Variants in SLC6A4 observed in about 807,000 individuals in gnomAD.
The protein encoded by SLC6A4 is sodium-dependent serotonin transporter.
Under a neutral mutation model 73.4 loss-of-function variants are expected in SLC6A4, and 22 were observed. That is an observed-to-expected ratio of 0.30 (90% CI 0.21 to 0.43). The LOEUF (loss-of-function observed/expected upper bound fraction) is 0.43, where lower values mean the gene tolerates loss of function less well. SLC6A4 is among the 20% of genes least tolerant of loss of function. SLC6A4 has a pLI of 1.00. For missense variants in SLC6A4, 593 were observed against 808.5 expected, an observed-to-expected ratio of 0.73 and a Z score of 3.23; for synonymous variants, 270 against 315.5, an observed-to-expected ratio of 0.86 and a Z score of 1.53.
rs1055096315 is a variant in SLC6A4 at position 30,235,433 on chromosome 17, T to C, written c.-221+180A>G. Reference sequence around the variant, plus strand: ...CACTCTGGCCGGTCAGCTTCAGCTCTGGCTCTTGCTGAGCGTGGAGGGCGC... The same window carrying C: ...CACTCTGGCCGGTCAGCTTCAGCTCCGGCTCTTGCTGAGCGTGGAGGGCGC... On this transcript the variant is annotated intron_variant, in intron 1 of 14. Transcript: ENST00000650711. The surrounding 1 kb of genome is among the most constrained non-coding windows in gnomAD (Gnocchi z 4.5). 3.9e-5 allele frequency among the ~76,000 whole-genome samples: 6 copies of C among 152,228 alleles called. No individual in the cohort carries two copies. The highest frequency in any genetic ancestry group is 1.4e-4 in the African/African-American group (6 of 41,468).
chr17:30,221,166 G>A (rs574354389), intron 3 of SLC6A4, among the ~76,000 whole-genome samples: 132 of 151,640 alleles, frequency 8.7e-4, no homozygotes, highest in Non-Finnish European at 1.6e-3. Context: ...TAGTGGAGAC[G>A]GGGTTTTGCC....
chr17:30,194,702 T>C lies in SLC6A4; in HGVS notation c.*3754A>G, dbSNP rs201695823. On this transcript the variant is annotated 3_prime_UTR_variant, in exon 15 of 15. Transcript: ENST00000650711. ...AAAAATTAGTAAATGCTCATATTTGTTTATGATATTTAAGCAAAAATATGG... is the reference window on the plus strand; with the variant it reads ...AAAAATTAGTAAATGCTCATATTTGCTTATGATATTTAAGCAAAAATATGG... 2 of 152,316 alleles carry C rather than the reference T, an allele frequency of 1.3e-5. No individual in the cohort carries two copies. Among genetic ancestry groups the C allele is most frequent in the South Asian group, 4.1e-4 (2 of 4,830 alleles). 9.4% of individuals were successfully genotyped at this position (152,316 alleles called of 1,614,324 possible). A position where few individuals can be genotyped will look rare whatever the true frequency, so the allele number is the denominator to read the frequency against.
intron 13 of SLC6A4, among the ~76,000 whole-genome samples, chr17:30,205,699 G>A (rs992513589): frequency 5.3e-5 from 8 of 152,192 alleles, no homozygotes; most frequent in African/African-American, 1.9e-4. Flanking sequence ...TGCAAACACT[G>A]GCTTTGATTT....
chr17:30,223,844 G>A (rs924894428), intron 1 of SLC6A4, among the ~76,000 whole-genome samples: 1 of 152,012 alleles, frequency 6.6e-6, no homozygotes, highest in African/African-American at 2.4e-5. Context: ...GCCTGGCCTT[G>A]GCCTCCCCCC....
intron 8 of SLC6A4, among the ~76,000 whole-genome samples, chr17:30,214,123 C>G (rs1174245778): frequency 2.6e-5 from 4 of 151,936 alleles, no homozygotes; most frequent in Non-Finnish European, 5.9e-5. Context: ...GATTTTGTTG[C>G]AAAAATTATG....
In SLC6A4 at chr17:30,194,863, C is replaced by G. The variant is rs201177928; in HGVS notation, c.*3593G>C. 1 of 152,166 alleles carries G rather than the reference C, an allele frequency of 6.6e-6. No homozygotes were observed. 9.4% of individuals were successfully genotyped at this position (152,166 alleles called of 1,614,324 possible). The stretch of plus-strand genomic sequence containing the variant: ...GATGCCATCTATTCTCTCCCCCAAA[C>G]GACAAAATTCTTCTTAGTTCAGTAG... On this transcript the variant is annotated 3_prime_UTR_variant, in exon 15 of 15. Coordinates refer to ENST00000650711, the MANE Select transcript of SLC6A4 (RefSeq NM_001045.6).
chr17:30,230,809 G>A (rs1200320327), intron 1 of SLC6A4, among the ~76,000 whole-genome samples: 1 of 152,142 alleles, frequency 6.6e-6, no homozygotes, highest in African/African-American at 2.4e-5. Context: ...CGGAGGACAC[G>A]TGCAACCACC....
chr17:30,201,637 T>G (rs1451198293), intron 14 of SLC6A4, among the ~76,000 whole-genome samples: 1 of 152,204 alleles, frequency 6.6e-6, no homozygotes, highest in African/African-American at 2.4e-5. Flanking sequence ...TCAATGACTC[T>G]GGGTAGGAGA....
rs960182612 is a variant in SLC6A4 at position 30,207,646 on chromosome 17, C to T, written c.1650+86G>A. The T allele has an allele frequency of 2.2e-5, 20 of 890,500 alleles. No individual in the cohort carries two copies. The African/African-American group carries it at 2.5e-4, about 11-fold the overall frequency. 55.2% of individuals were successfully genotyped at this position (890,500 alleles called of 1,614,324 possible). On this transcript the variant is annotated intron_variant, in intron 13 of 14. Transcript: ENST00000650711. Reference sequence around the variant, plus strand: ...TGTTGGGATTACAAGGATGAGCCACCGTGCCCAGCCATTACAATTCATTTT... The same window carrying T: ...TGTTGGGATTACAAGGATGAGCCACTGTGCCCAGCCATTACAATTCATTTT...
chr17:30,221,783 G>GT lies in SLC6A4; in HGVS notation c.175dup (p.Thr59AsnfsTer15), dbSNP rs2143015516. 1 of 1,614,164 alleles carries GT rather than the reference G, an allele frequency of 6.2e-7. No individual in the cohort carries two copies. The highest frequency in any genetic ancestry group is 8.5e-7 in the Non-Finnish European group (1 of 1,180,024). ...GGTGGTCGCTGGGATAGAGTGCCGT[G>GT]TGTCATCTCCCGCACCAGGACTTGG... On this transcript the variant is annotated frameshift_variant, in exon 3 of 15. Coordinates refer to ENST00000650711, the MANE Select transcript of SLC6A4 (RefSeq NM_001045.6). LOFTEE classifies it high-confidence loss of function.
intron 6 of SLC6A4, among the ~76,000 whole-genome samples, chr17:30,216,632 T>G (rs2143014940): frequency 6.6e-6 from 1 of 152,212 alleles, no homozygotes; most frequent in East Asian, 1.9e-4. Context: ...ATGTAATGGT[T>G]CTTGGCATTG....
Position 30,194,699 on chromosome 17 carries a change from T to G in SLC6A4, c.*3757A>C, listed in dbSNP as rs186070209. ...TTAAAAAATTAGTAAATGCTCATAT[T>G]TGTTTATGATATTTAAGCAAAAATA... is the stretch of plus-strand genomic sequence containing the variant. On this transcript the variant is annotated 3_prime_UTR_variant, in exon 15 of 15. Transcript: ENST00000650711. 6.6e-6 allele frequency: 1 copy of G among 152,324 alleles called. No homozygotes were observed. Among genetic ancestry groups the G allele is most frequent in the East Asian group, 1.9e-4 (1 of 5,190 alleles). The allele number at this position is 152,324 out of a possible 1,614,324, so 9.4% of individuals were successfully genotyped here.
At chr17:30,218,699 C>T (rs2143015167) in intron 4 of SLC6A4, 98 bp downstream of exon 4, 1 of 1,324,914 alleles carries the variant, frequency 7.5e-7, no homozygotes, top group East Asian at 2.3e-5. Context: ...TGCCTAAGGC[C>T]TGACTGATTC....
rs767870286 is a variant in SLC6A4 at position 30,198,482 on chromosome 17, C to T, written c.1867G>A (p.Gly623Arg). 6.2e-7 allele frequency: 1 copy of T among 1,607,004 alleles called. No homozygotes were observed. The highest frequency in any genetic ancestry group is 8.5e-7 in the Non-Finnish European group (1 of 1,173,934). The change falls in exon 15 of 15, where the codon GGG becomes AGG. Residue 623 changes from glycine (G) to arginine (R), a missense_variant. Transcript: ENST00000650711. The part of the protein sequence containing the change: ...TPETPTEIPC[G>R]DIRLNAV ...TACACAGCATTCAAGCGGATGTCCC[C>T]ACAAGGAATTTCTGTTGGTGTTTCT...
chr17:30,220,023 A>G (rs536244128), intron 3 of SLC6A4, among the ~76,000 whole-genome samples: 2 of 152,322 alleles, frequency 1.3e-5, no homozygotes, highest in South Asian at 4.1e-4. Context: ...CATAATGCCC[A>G]GGCTAAAGGT....
chr17:30,222,910 G>A lies in SLC6A4; in HGVS notation c.-215C>T. On this transcript the variant is annotated 5_prime_UTR_variant, in exon 2 of 15. Coordinates refer to ENST00000650711, the MANE Select transcript of SLC6A4 (RefSeq NM_001045.6). The stretch of plus-strand genomic sequence containing the variant: ...GGCAAGCAAGGTCGCCTTGCCTCCA[G>A]GAGACCTAGGGAGAAGAGTGTGCAG... The A allele has an allele frequency of 9.3e-7, 1 of 1,077,802 alleles. No homozygotes were observed. Among genetic ancestry groups the A allele is most frequent in the East Asian group, 5.8e-5 (1 of 17,216 alleles). 66.8% of individuals were successfully genotyped at this position (1,077,802 alleles called of 1,614,324 possible).
At chr17:30,209,599 A>G (rs1396470294) in intron 11 of SLC6A4, among the ~76,000 whole-genome samples, 1 of 150,794 alleles carries the variant, frequency 6.6e-6, no homozygotes, top group Non-Finnish European at 1.5e-5. Context: ...GAGCTGAGAT[A>G]GCACCATTGC....
rs1423170586 is a variant in SLC6A4 at position 30,195,933 on chromosome 17, C to A, written c.*2523G>T. The A allele has an allele frequency of 6.6e-6, 1 of 151,692 alleles. No individual in the cohort carries two copies. Among genetic ancestry groups the A allele is most frequent in the Non-Finnish European group, 1.5e-5 (1 of 68,004 alleles). The allele number at this position is 151,692 out of a possible 1,614,324, so 9.4% of individuals were successfully genotyped here. ...CTGGGTTCAAGCAATTCTCCTGCCT[C>A]AGCCTCCCAAGTAGCAGGAATTATA... is the stretch of plus-strand genomic sequence containing the variant. On this transcript the variant is annotated 3_prime_UTR_variant, in exon 15 of 15. Coordinates refer to ENST00000650711, the MANE Select transcript of SLC6A4 (RefSeq NM_001045.6).
At chr17:30,219,236 C>T (rs1012204259) in intron 3 of SLC6A4, among the ~76,000 whole-genome samples, 4 of 152,190 alleles carry the variant, frequency 2.6e-5, no homozygotes, top group African/African-American at 9.7e-5. Context: ...AACGCTGGGC[C>T]ACTTCCCCTC....
Sources: gnomAD v4.1 joint callset for allele counts (sites outside exome capture counted in the v4.1 genomes callset) on GRCh38, gnomAD v4.1.1 for gene constraint, Gnocchi (gnomAD v3.1) non-coding constraint, MANE v1.5 for transcripts, NCBI Gene and HGNC (gene_info 2026-07-23, HGNC 2026-07-21) for gene names.